The following AACS variants were observed in gnomAD, a reference collection of about 807,000 sequenced individuals.
AACS encodes acetoacetate-CoA ligase.
In AACS, 69 loss-of-function variants were observed where a neutral mutation model predicts 83.1. The observed-to-expected ratio is 0.83, with a 90% confidence interval of 0.68 to 1.01. AACS has a LOEUF of 1.01. Ranked by LOEUF, AACS falls within the 50% of genes least tolerant of loss-of-function variation. AACS has a pLI of 0.00. For synonymous variants in AACS, 333 were observed against 343.4 expected (o/e 0.97, Z 0.33); for missense variants, 866 against 882.2 (o/e 0.98, Z 0.23).
intron 3 of AACS, chr12:125,078,416 G>A (rs1956083894): frequency 2.3e-6 from 1 of 442,728 alleles, no homozygotes; most frequent in East Asian, 7.0e-5. Flanking sequence ...CCTTGACATG[G>A]TCATGGCAGA....
At chr12:125,082,832 G>C (rs964848124) in intron 3 of AACS, among the ~76,000 whole-genome samples, 18 of 150,996 alleles carry the variant, frequency 1.2e-4, no homozygotes, top group African/African-American at 3.6e-4. Flanking sequence ...AACACACACA[G>C]ACACACACAC....
intron 7 of AACS, among the ~76,000 whole-genome samples, chr12:125,104,032 T>G (rs4765217): frequency 0.42 from 58,995 of 140,796 alleles, 13,033 homozygotes; most frequent in Non-Finnish European, 0.49. Flanking sequence ...ATCTTCATTT[T>G]GAATAGAGAT....
At chr12:125,089,755 GTCA>G (rs1031499576) in intron 4 of AACS, among the ~76,000 whole-genome samples, 1 of 141,500 alleles carries the variant, frequency 7.1e-6, no homozygotes, top group Non-Finnish European at 1.6e-5. Context: ...CCATCCATCC[GTCA>G]TCCATCTATC....
intron 1 of AACS, among the ~76,000 whole-genome samples, chr12:125,073,241 T>C (rs1443308098): frequency 6.6e-6 from 1 of 152,230 alleles, no homozygotes; most frequent in Non-Finnish European, 1.5e-5. Context: ...ATATGACTTT[T>C]TACACTTTCG....
At chr12:125,105,266 C>G (rs938233193) in intron 7 of AACS, 1 of 152,182 alleles carries the variant, frequency 6.6e-6, no homozygotes, top group Admixed American at 6.5e-5. Flanking sequence ...CTCTGCAAAG[C>G]GTGCACAGTC....
At position 125,097,642 on chromosome 12, in the gene AACS, T is replaced by C. The variant is rs1427063469; in HGVS notation, c.571-5037T>C. 1.3e-5 allele frequency among the ~76,000 whole-genome samples: 2 copies of C among 152,142 alleles called. No homozygotes were observed. Among genetic ancestry groups the C allele is most frequent in the Non-Finnish European group, 2.9e-5 (2 of 68,030 alleles). Reference sequence around the variant, plus strand: ...TGTTCAGCTGGAGGAAGACCCCTCCTTCCTGTCATGACTGTGCATCCTGAG... The same window carrying C: ...TGTTCAGCTGGAGGAAGACCCCTCCCTCCTGTCATGACTGTGCATCCTGAG... On this transcript the variant is annotated intron_variant, in intron 5 of 17. Transcript: ENST00000316519. This position sits in a 1 kb window ranked among gnomAD's most constrained non-coding sequence, Gnocchi z 4.3.
chr12:125,125,157 T>G (rs1957227254), intron 12 of AACS, 133 bp downstream of exon 12: 7 of 1,356,296 alleles, frequency 5.2e-6, no homozygotes, highest in Non-Finnish European at 7.0e-6. Context: ...TCCCTTCTCA[T>G]GATCTGAGGC....
At chr12:125,128,430 T>A in intron 13 of AACS, 156 bp downstream of exon 13, 1 of 613,942 alleles carries the variant, frequency 1.6e-6, no homozygotes, top group Non-Finnish European at 2.6e-6. Context: ...TCCCTCCAGC[T>A]TGGTTTAACA....
Position 125,142,533 on chromosome 12 carries a change from G to T in AACS, c.*304G>T. On this transcript the variant is annotated 3_prime_UTR_variant, in exon 18 of 18. Coordinates refer to ENST00000316519, the MANE Select transcript of AACS (RefSeq NM_023928.5). ...GGGAACGGTGGGGCTGGCTGGTGCT[G>T]AAGACAGACACACTCCTGAGCCAAG... is the stretch of plus-strand genomic sequence containing the variant. The T allele has an allele frequency of 3.2e-6, 1 of 308,302 alleles. No individual in the cohort carries two copies. The highest frequency in any genetic ancestry group is 6.1e-5 in the South Asian group (1 of 16,448). 19.1% of individuals were successfully genotyped at this position (308,302 alleles called of 1,614,324 possible).
intron 5 of AACS, among the ~76,000 whole-genome samples, chr12:125,093,211 C>T (rs1417112395): frequency 6.6e-6 from 1 of 152,224 alleles, no homozygotes; most frequent in Non-Finnish European, 1.5e-5. Context: ...GCTGGGAGAG[C>T]CGTGTGTGGC....
At chr12:125,133,903 GC>G in intron 14 of AACS, 99 bp from the exon 15 acceptor site, 1 of 1,202,004 alleles carries the variant, frequency 8.3e-7, no homozygotes, top group Non-Finnish European at 1.2e-6. Flanking sequence ...CTGCCTCTGG[GC>G]CCCAGTGATG....
At chr12:125,078,621 G>A (rs1956088145) in intron 3 of AACS, among the ~76,000 whole-genome samples, 1 of 152,148 alleles carries the variant, frequency 6.6e-6, no homozygotes. Flanking sequence ...AGGAGTTCGA[G>A]ACCAGCCTGG....
chr12:125,091,165 G>A (rs1247598626), intron 4 of AACS: 12 of 502,010 alleles, frequency 2.4e-5, no homozygotes, highest in Non-Finnish European at 2.6e-5. Context: ...CAGATCCCAG[G>A]GAGGGATGGG....
Position 125,129,544 on chromosome 12 carries a change from TCC to T in AACS, c.1549+87_1549+88del. On this transcript the variant is annotated intron_variant, in intron 14 of 17. Coordinates refer to ENST00000316519, the MANE Select transcript of AACS (RefSeq NM_023928.5). This position sits in a 1 kb window ranked among gnomAD's most constrained non-coding sequence, Gnocchi z 4.3. ...GTCTAATTCTGTACCATCGTGCCCC[TCC>T]CCTCTTCCTTCCCCCACCAGGGCTT... is the stretch of plus-strand genomic sequence containing the variant. 6.7e-7 allele frequency: 1 copy of T among 1,490,450 alleles called. No individual in the cohort carries two copies. Among genetic ancestry groups the T allele is most frequent in the Non-Finnish European group, 9.0e-7 (1 of 1,109,344 alleles). 92.3% of individuals were successfully genotyped at this position (1,490,450 alleles called of 1,614,324 possible).
rs116301998 is a variant in AACS at position 125,092,062 on chromosome 12, C to T, written c.570+539C>T. Among the ~76,000 whole-genome samples the T allele has an allele frequency of 4.8e-3, 727 of 152,316 alleles. 12 individuals are homozygous for T. Among genetic ancestry groups the T allele is most frequent in the African/African-American group, 0.016 (686 of 41,576 alleles). ...CTGCCCAGAGTGGCCCAGGCAGGGC[C>T]GGAAGCATGTGCTGATCCCCACTGG... On this transcript the variant is annotated intron_variant, in intron 5 of 17. Coordinates refer to ENST00000316519, the MANE Select transcript of AACS (RefSeq NM_023928.5).
At chr12:125,088,426 T>C (rs998994425) in intron 4 of AACS, among the ~76,000 whole-genome samples, 1 of 151,856 alleles carries the variant, frequency 6.6e-6, no homozygotes, top group African/African-American at 2.4e-5. Context: ...AAAGACAGGG[T>C]CTTGCTATGT....
At chr12:125,081,129 G>A (rs1004044354) in intron 3 of AACS, among the ~76,000 whole-genome samples, 1 of 151,872 alleles carries the variant, frequency 6.6e-6, no homozygotes, top group Non-Finnish European at 1.5e-5. Context: ...AGTAGCTAGG[G>A]TTGCACGCGT....
intron 7 of AACS, among the ~76,000 whole-genome samples, chr12:125,103,649 TAGA>T (rs1956766284): frequency 1.3e-5 from 2 of 152,198 alleles, no homozygotes; most frequent in African/African-American, 2.4e-5. Flanking sequence ...CTGACATTTG[TAGA>T]AGAATAAGCC....
Position 125,113,238 on chromosome 12 carries a change from G to A in AACS, c.916-1239G>A, listed in dbSNP as rs1003251501. Among the ~76,000 whole-genome samples the A allele has an allele frequency of 1.3e-5, 2 of 152,210 alleles. No homozygotes were observed. Among genetic ancestry groups the A allele is most frequent in the Admixed American group, 6.5e-5 (1 of 15,290 alleles). ...ACTGGCTTTTGGAAGCTTTTCCCTT[G>A]GGTATAATGAGGGCCTTCATGGCTG... is the stretch of plus-strand genomic sequence containing the variant. On this transcript the variant is annotated intron_variant, in intron 8 of 17. Coordinates refer to ENST00000316519, the MANE Select transcript of AACS (RefSeq NM_023928.5). The surrounding 1 kb of genome is among the most constrained non-coding windows in gnomAD (Gnocchi z 4.8).
Sources: allele counts gnomAD v4.1 joint callset (sites outside exome capture counted in the v4.1 genomes callset), GRCh38; gene constraint gnomAD v4.1.1; non-coding constraint Gnocchi (gnomAD v3.1); transcripts MANE v1.5; gene names NCBI Gene and HGNC (gene_info 2026-07-23, HGNC 2026-07-21).